SV2C: variants seen among roughly 807,000 people sequenced by gnomAD.
SV2C encodes the protein synaptic vesicle glycoprotein 2C, also known as solute carrier family 22 member B3.
A neutral mutation model predicts 79.7 loss-of-function variants in SV2C; 49 were observed. That is an observed-to-expected ratio of 0.61 (90% CI 0.49 to 0.78). The LOEUF (loss-of-function observed/expected upper bound fraction) is 0.78, where lower values mean the gene tolerates loss of function less well. Among genes scored for constraint, SV2C ranks in the 30% least tolerant of loss-of-function variants. SV2C has a pLI of 0.00. For missense variants in SV2C, 833 were observed against 912.9 expected, an observed-to-expected ratio of 0.91 and a Z score of 1.13; for synonymous variants, 334 against 333.2, an observed-to-expected ratio of 1.00 and a Z score of -0.03.
At chr5:76,289,999 A>G (rs2112503040) in intron 6 of SV2C, among the ~76,000 whole-genome samples, 1 of 152,350 alleles carries the variant, frequency 6.6e-6, no homozygotes, top group East Asian at 1.9e-4. Flanking sequence ...CAATGAATAA[A>G]TGAACAAACA....
the SV2C span, among the ~76,000 whole-genome samples, chr5:75,995,139 G>A: frequency 6.6e-6 from 1 of 152,164 alleles, no homozygotes; most frequent in Non-Finnish European, 1.5e-5. Context: ...GCATTTGTGA[G>A]GGCAGATCTT....
the SV2C span, among the ~76,000 whole-genome samples, chr5:75,954,024 A>G: frequency 6.6e-6 from 1 of 151,938 alleles, no homozygotes; most frequent in African/African-American, 2.4e-5. Flanking sequence ...AGGATTCTGT[A>G]ATTGCATTAC....
At chr5:75,856,162 A>G in the SV2C span, among the ~76,000 whole-genome samples, 2 of 152,194 alleles carry the variant, frequency 1.3e-5, no homozygotes, top group African/African-American at 2.4e-5. Flanking sequence ...TCTATTGTGT[A>G]TATGTATCAC....
the SV2C span, among the ~76,000 whole-genome samples, chr5:75,928,008 G>A: frequency 3.9e-5 from 6 of 152,216 alleles, no homozygotes; most frequent in African/African-American, 1.4e-4. Flanking sequence ...GCCAGACATA[G>A]TATTGGATTC....
intron 4 of SV2C, among the ~76,000 whole-genome samples, chr5:76,239,092 C>T (rs546184210): frequency 1.3e-5 from 2 of 152,142 alleles, no homozygotes. Context: ...GTCTTCCCCC[C>T]CACTTCTGTA....
At chr5:76,081,235 G>C (rs376177702), upstream of SV2C, among the ~76,000 whole-genome samples, 69 of 152,320 alleles carry the variant, frequency 4.5e-4, no homozygotes, top group African/African-American at 1.6e-3. Flanking sequence ...CGTTGATCAC[G>C]TTTAAAGTTT....
At chr5:76,072,427 T>C in the SV2C span, among the ~76,000 whole-genome samples, 1 of 152,304 alleles carries the variant, frequency 6.6e-6, no homozygotes, top group Admixed American at 6.5e-5. Context: ...TTATTTATAA[T>C]GAAACTGGTA....
the SV2C span, among the ~76,000 whole-genome samples, chr5:76,009,793 A>G: frequency 1.3e-5 from 2 of 152,154 alleles, no homozygotes; most frequent in Admixed American, 6.6e-5. Flanking sequence ...TTGAAAAACT[A>G]TTGGATACTA....
At chr5:75,961,536 G>A in the SV2C span, among the ~76,000 whole-genome samples, 2 of 151,840 alleles carry the variant, frequency 1.3e-5, no homozygotes, top group South Asian at 2.1e-4. Flanking sequence ...TTTCAAAAAT[G>A]TTATTACATT....
the SV2C span, among the ~76,000 whole-genome samples, chr5:75,874,769 A>C: frequency 5.5e-4 from 84 of 152,304 alleles, no homozygotes; most frequent in African/African-American, 1.9e-3. Flanking sequence ...AAAAACAGCC[A>C]AACCAAGAGC....
chr5:76,337,934 C>A (rs1749359076), downstream of SV2C, among the ~76,000 whole-genome samples: 1 of 152,194 alleles, frequency 6.6e-6, no homozygotes, highest in South Asian at 2.1e-4. Context: ...TGAGCCTGTC[C>A]CCAGGGGAAG....
rs1749002849 is a variant in SV2C at position 76,326,586 on chromosome 5, C to T, written c.*1039C>T. The T allele has an allele frequency of 6.6e-6, 1 of 152,384 alleles. No homozygotes were observed. The highest frequency in any genetic ancestry group is 2.1e-4 in the South Asian group (1 of 4,826). 9.4% of individuals were successfully genotyped at this position (152,384 alleles called of 1,614,324 possible). On this transcript the variant is annotated 3_prime_UTR_variant, in exon 13 of 13. Coordinates refer to ENST00000502798, the MANE Select transcript of SV2C (RefSeq NM_014979.4). ...GGGACTGGCCCGCCAGGACCCCCACCCCACCTGGCCCGCAGTTGACATTCA... is the reference window on the plus strand; with the variant it reads ...GGGACTGGCCCGCCAGGACCCCCACTCCACCTGGCCCGCAGTTGACATTCA...
At chr5:75,921,419 T>A in the SV2C span, 21 of 806,194 alleles carry the variant, frequency 2.6e-5, no homozygotes, top group Non-Finnish European at 4.7e-5. Flanking sequence ...AAGCTCATAT[T>A]GCGTCTGGAG....
At chr5:76,167,697 A>G (rs575901221) in intron 2 of SV2C, among the ~76,000 whole-genome samples, 1 of 152,344 alleles carries the variant, frequency 6.6e-6, no homozygotes, top group South Asian at 2.1e-4. Context: ...GTCCAAGGTC[A>G]TATGGCCAAT....
intron 2 of SV2C, among the ~76,000 whole-genome samples, chr5:76,174,559 A>G (rs1441506442): frequency 1.3e-5 from 2 of 152,234 alleles, no homozygotes; most frequent in Non-Finnish European, 2.9e-5. Flanking sequence ...AGCACAGACG[A>G]TGCTATAGAC....
At chr5:75,902,809 T>C in the SV2C span, among the ~76,000 whole-genome samples, 13 of 152,190 alleles carry the variant, frequency 8.5e-5, no homozygotes, top group African/African-American at 2.7e-4. Context: ...GATTACAAAG[T>C]TAGCATGATG....
At position 76,317,435 on chromosome 5, in the gene SV2C, C is replaced by A. The variant is rs555128544; in HGVS notation, c.2001-7929C>A. Among the ~76,000 whole-genome samples, 3 of 151,718 alleles carry A rather than the reference C, an allele frequency of 2.0e-5. No homozygotes were observed. The South Asian group carries it at 6.3e-4, about 32-fold the overall frequency. ...ATTTATTCTAGACAAAAAGAACCACCCCCCCCAACACACACACACATACAC... is the reference window on the plus strand; with the variant it reads ...ATTTATTCTAGACAAAAAGAACCACACCCCCCAACACACACACACATACAC... On this transcript the variant is annotated intron_variant, in intron 12 of 12. Transcript: ENST00000502798.
chr5:76,347,857 C>G (rs1005112890), intron 12 of SV2C, among the ~76,000 whole-genome samples: 2 of 152,130 alleles, frequency 1.3e-5, no homozygotes, highest in Non-Finnish European at 2.9e-5. Flanking sequence ...CACAGCCTTT[C>G]CCATTATCAA....
intron 12 of SV2C, among the ~76,000 whole-genome samples, chr5:76,323,250 A>G (rs904626933): frequency 6.6e-6 from 1 of 152,180 alleles, no homozygotes; most frequent in Non-Finnish European, 1.5e-5. Flanking sequence ...ACTTCTCAAA[A>G]GAAGACATTT....
Sources: gnomAD v4.1 joint callset for allele counts (sites outside exome capture counted in the v4.1 genomes callset) on GRCh38, gnomAD v4.1.1 for gene constraint, MANE v1.5 for transcripts, NCBI Gene and HGNC (gene_info 2026-07-23, HGNC 2026-07-21) for gene names.